Variants in TENM3 observed in about 807,000 individuals in gnomAD.
TENM3 encodes teneurin transmembrane protein 3.
Under a neutral mutation model 255.1 loss-of-function variants are expected in TENM3, and 63 were observed. The observed-to-expected ratio is 0.25, with a 90% CI of 0.20 to 0.30. The LOEUF is 0.30. TENM3 is among the 10% of genes least tolerant of loss of function. The probability of loss-of-function intolerance (pLI) is 1.00; values close to 1 mark genes in which losing one functional copy is unlikely to be tolerated. For missense variants in TENM3, 2,929 were observed against 3,461.1 expected (o/e 0.85, Z 3.86); for synonymous variants, 1,306 against 1,322.3 (o/e 0.99, Z 0.27).
intron 3 of TENM3, among the ~76,000 whole-genome samples, chr4:182,550,759 C>T (rs1246045121): frequency 6.6e-6 from 1 of 152,016 alleles, no homozygotes; most frequent in African/African-American, 2.4e-5. Context: ...AACCTCAATA[C>T]TTAATATAGT....
intron 1 of TENM3, among the ~76,000 whole-genome samples, chr4:182,256,338 A>G (rs556044948): frequency 6.6e-6 from 1 of 152,294 alleles, no homozygotes; most frequent in East Asian, 1.9e-4. Context: ...CAGATGATAT[A>G]CTAATCAGGA....
intron 3 of TENM3, among the ~76,000 whole-genome samples, chr4:182,537,312 G>C (rs1288029479): frequency 6.6e-6 from 1 of 151,956 alleles, no homozygotes; most frequent in Non-Finnish European, 1.5e-5. Context: ...GTCTGTAATT[G>C]CAGGATCTAA....
At chr4:181,450,329 G>A in the TENM3 span, among the ~76,000 whole-genome samples, 1 of 152,024 alleles carries the variant, frequency 6.6e-6, no homozygotes, top group Admixed American at 6.5e-5. Context: ...CATATTACTG[G>A]GGTAAGTAAT....
At chr4:181,475,597 T>A in the TENM3 span, among the ~76,000 whole-genome samples, 1 of 152,164 alleles carries the variant, frequency 6.6e-6, no homozygotes, top group Non-Finnish European at 1.5e-5. Context: ...TGAAAAATAA[T>A]CCTTTTTGTG....
the TENM3 span, among the ~76,000 whole-genome samples, chr4:181,594,078 A>G: frequency 3.9e-5 from 6 of 152,032 alleles, no homozygotes; most frequent in African/African-American, 1.4e-4. Flanking sequence ...AATCAACCTA[A>G]TAAGGTAGCT....
chr4:182,221,937 A>C (rs1755874551), intron 1 of TENM3, among the ~76,000 whole-genome samples: 3 of 152,218 alleles, frequency 2.0e-5, no homozygotes, highest in Non-Finnish European at 4.4e-5. Flanking sequence ...AGTTTAAAAA[A>C]AAGCATCTTG....
the TENM3 span, among the ~76,000 whole-genome samples, chr4:181,887,462 G>C: frequency 6.6e-6 from 1 of 152,094 alleles, no homozygotes; most frequent in African/African-American, 2.4e-5. Context: ...GGAGTATTCT[G>C]GTTCTCTTTT....
chr4:182,706,417 GT>G (rs1302664388), intron 12 of TENM3, among the ~76,000 whole-genome samples: 1 of 152,178 alleles, frequency 6.6e-6, no homozygotes, highest in Non-Finnish European at 1.5e-5. Flanking sequence ...ATAAATGGTA[GT>G]TATTGCGAAT....
At chr4:182,582,032 A>T (rs1478839197) in intron 3 of TENM3, among the ~76,000 whole-genome samples, 1 of 152,204 alleles carries the variant, frequency 6.6e-6, no homozygotes, top group African/African-American at 2.4e-5. Context: ...GGAAACTAAC[A>T]TTCAAATTAT....
chr4:182,678,507 G>C (rs534865122), intron 7 of TENM3, among the ~76,000 whole-genome samples: 2 of 152,292 alleles, frequency 1.3e-5, no homozygotes, highest in South Asian at 2.1e-4. Flanking sequence ...CATGGTGCTT[G>C]AGATGGTCAC....
chr4:181,534,732 T>G, the TENM3 span, among the ~76,000 whole-genome samples: 2 of 152,114 alleles, frequency 1.3e-5, no homozygotes, highest in Non-Finnish European at 2.9e-5. Context: ...CTGGAGTCAG[T>G]AAAGAACCCC....
intron 5 of TENM3, among the ~76,000 whole-genome samples, chr4:182,649,775 G>T (rs1753087732): frequency 6.7e-6 from 1 of 150,202 alleles, no homozygotes; most frequent in South Asian, 2.2e-4. Context: ...GATATCCTCG[G>T]CCCCAGCCCC....
At chr4:181,857,331 G>A in the TENM3 span, among the ~76,000 whole-genome samples, 1 of 151,636 alleles carries the variant, frequency 6.6e-6, no homozygotes, top group African/African-American at 2.4e-5. Context: ...GGGAAGGCCA[G>A]GGTGGCTGGA....
At chr4:182,506,010 T>C (rs1736780555) in intron 3 of TENM3, among the ~76,000 whole-genome samples, 1 of 152,174 alleles carries the variant, frequency 6.6e-6, no homozygotes, top group Admixed American at 6.5e-5. Flanking sequence ...CCCAGAATGT[T>C]ACAAGTGGAG....
chr4:181,983,651 T>C, the TENM3 span, among the ~76,000 whole-genome samples: 1 of 152,144 alleles, frequency 6.6e-6, no homozygotes, highest in East Asian at 1.9e-4. Flanking sequence ...GCAGAAATGA[T>C]TTTTAAATGA....
chr4:181,974,820 G>C, the TENM3 span, among the ~76,000 whole-genome samples: 2 of 152,170 alleles, frequency 1.3e-5, no homozygotes, highest in Non-Finnish European at 2.9e-5. Context: ...AGATGTGCTT[G>C]TTTGTTCCAT....
At chr4:182,569,546 T>G (rs538163781) in intron 3 of TENM3, among the ~76,000 whole-genome samples, 1 of 145,628 alleles carries the variant, frequency 6.9e-6, no homozygotes, top group African/African-American at 2.7e-5. Context: ...AGAGCAAGAC[T>G]GTGTCTCAAA....
the TENM3 span, among the ~76,000 whole-genome samples, chr4:181,698,213 CAAAAAAAAA>C: frequency 8.4e-6 from 1 of 119,484 alleles, no homozygotes; most frequent in Non-Finnish European, 1.8e-5. Flanking sequence ...GACTCTGTCT[CAAAAAAAAA>C]AAAAAAAAGA....
chr4:181,511,695 G>T, the TENM3 span, among the ~76,000 whole-genome samples: 2 of 152,104 alleles, frequency 1.3e-5, no homozygotes, highest in Non-Finnish European at 1.5e-5. Flanking sequence ...AAGAAAGGAG[G>T]GGTAGCCAAT....
Sources: gnomAD v4.1 joint callset for allele counts (sites outside exome capture counted in the v4.1 genomes callset) on GRCh38, gnomAD v4.1.1 for gene constraint, MANE v1.5 for transcripts, NCBI Gene and HGNC (gene_info 2026-07-23, HGNC 2026-07-21) for gene names.